The following TUSC3 variants were observed in gnomAD, a reference collection of about 807,000 sequenced individuals.
The protein encoded by TUSC3 is dolichyl-diphosphooligosaccharide--protein glycosyltransferase subunit TUSC3.
TUSC3 carries 45 observed loss-of-function variants against 44.8 expected under a neutral mutation model. The ratio of observed to expected loss-of-function variants is 1.00; its 90% CI spans 0.79 to 1.29. The LOEUF is 1.29. TUSC3 is among the 50% of genes most tolerant of loss of function. The pLI is 0.00. For synonymous variants in TUSC3, 212 were observed against 152.9 expected, an observed-to-expected ratio of 1.39 and a Z score of -2.85; for missense variants, 519 against 437.9, an observed-to-expected ratio of 1.19 and a Z score of -1.65.
intron 2 of TUSC3, among the ~76,000 whole-genome samples, chr8:15,500,295 G>T (rs1256893527): frequency 2.0e-5 from 3 of 152,072 alleles, no homozygotes; most frequent in Admixed American, 2.0e-4. Flanking sequence ...GTTTTGTTTT[G>T]TTCCGTATCT....
At chr8:15,686,209 T>A (rs1808622157) in intron 6 of TUSC3, among the ~76,000 whole-genome samples, 1 of 152,104 alleles carries the variant, frequency 6.6e-6, no homozygotes, top group Non-Finnish European at 1.5e-5. Context: ...ATAAAAACAA[T>A]TTTTGTTGTT....
the TUSC3 span, among the ~76,000 whole-genome samples, chr8:15,831,344 G>C: frequency 1.3e-5 from 2 of 152,148 alleles, no homozygotes; most frequent in African/African-American, 2.4e-5. Flanking sequence ...AGCCCACAAA[G>C]ATGAGAAAGA....
chr8:15,686,226 G>C (rs1368701077), intron 6 of TUSC3, among the ~76,000 whole-genome samples: 1 of 151,964 alleles, frequency 6.6e-6, no homozygotes, highest in Non-Finnish European at 1.5e-5. Context: ...TGTTAAAAAA[G>C]CAATAATCTT....
At chr8:15,544,337 C>T (rs781162256) in intron 1 of TUSC3, among the ~76,000 whole-genome samples, 1 of 148,564 alleles carries the variant, frequency 6.7e-6, no homozygotes, top group Non-Finnish European at 1.5e-5. Context: ...GTGAAAAGAG[C>T]TCCAATTCTG....
At chr8:15,574,894 A>C (rs999124868) in intron 1 of TUSC3, among the ~76,000 whole-genome samples, 2 of 152,132 alleles carry the variant, frequency 1.3e-5, no homozygotes, top group East Asian at 3.9e-4. Context: ...TTATACTTTC[A>C]ATTATAAGGA....
the TUSC3 span, among the ~76,000 whole-genome samples, chr8:15,781,137 C>T: frequency 6.6e-6 from 1 of 152,134 alleles, no homozygotes; most frequent in Non-Finnish European, 1.5e-5. Context: ...AGATCCAGGT[C>T]TGCCCATTTT....
chr8:15,612,431 C>T (rs371377471), intron 1 of TUSC3, among the ~76,000 whole-genome samples: 27 of 151,944 alleles, frequency 1.8e-4, no homozygotes, highest in Middle Eastern at 3.4e-3. Flanking sequence ...CATTGTATTA[C>T]GTATTGTTTA....
chr8:15,465,578 A>T (rs1286413442), intron 1 of TUSC3, among the ~76,000 whole-genome samples: 1 of 152,236 alleles, frequency 6.6e-6, no homozygotes, highest in African/African-American at 2.4e-5. Flanking sequence ...ATGTGATCAA[A>T]GTTTTGCTCC....
At chr8:15,664,243 A>T (rs1211625859) in intron 5 of TUSC3, among the ~76,000 whole-genome samples, 1 of 151,708 alleles carries the variant, frequency 6.6e-6, no homozygotes, top group Non-Finnish European at 1.5e-5. Flanking sequence ...TCTGATTGCA[A>T]GTTCTGTATT....
chr8:15,722,541 A>G (rs903438761), intron 6 of TUSC3, among the ~76,000 whole-genome samples: 2 of 152,040 alleles, frequency 1.3e-5, no homozygotes, highest in African/African-American at 4.8e-5. Flanking sequence ...ATAGTATTCT[A>G]GAGACTCTCT....
At chr8:15,673,949 T>C (rs960659519) in intron 6 of TUSC3, 113 bp downstream of exon 6, 1 of 892,162 alleles carries the variant, frequency 1.1e-6, no homozygotes, top group Non-Finnish European at 1.8e-6. Context: ...AGTCAAAATA[T>C]ATATTCTTTC....
chr8:15,732,910 G>T (rs1459060126), intron 7 of TUSC3, among the ~76,000 whole-genome samples: 1 of 152,006 alleles, frequency 6.6e-6, no homozygotes, highest in Non-Finnish European at 1.5e-5. Context: ...CGTGAAATTG[G>T]GCACATCTGC....
chr8:15,810,226 G>T, the TUSC3 span, among the ~76,000 whole-genome samples: 2 of 152,126 alleles, frequency 1.3e-5, no homozygotes, highest in Non-Finnish European at 2.9e-5. Flanking sequence ...TGATTTAATA[G>T]GTCGTTCAGG....
chr8:15,831,521 A>C, the TUSC3 span, among the ~76,000 whole-genome samples: 1 of 149,532 alleles, frequency 6.7e-6, no homozygotes, highest in African/African-American at 2.4e-5. Flanking sequence ...GCAGGAGTAC[A>C]TTGAAACTCA....
intron 1 of TUSC3, among the ~76,000 whole-genome samples, chr8:15,450,540 C>G (rs1310824189): frequency 2.6e-5 from 4 of 151,932 alleles, no homozygotes. Flanking sequence ...AAAAATTCAC[C>G]CCACCTGTAA....
Position 15,765,194 on chromosome 8 carries a change from T to C in TUSC3, c.*1038T>C, listed in dbSNP as rs1263573486. The C allele has an allele frequency of 6.6e-6, 1 of 152,042 alleles. No individual in the cohort carries two copies. Among genetic ancestry groups the C allele is most frequent in the Non-Finnish European group, 1.5e-5 (1 of 67,946 alleles). The allele number at this position is 152,042 out of a possible 1,614,324, so 9.4% of individuals were successfully genotyped here. On this transcript the variant is annotated 3_prime_UTR_variant, in exon 11 of 11. Transcript: ENST00000503731. ...AACCTTGTAAATTAGTCAGGAAATG[T>C]AAATTTTATCTGACTCATAGAACTA...
rs373936576 is a variant in TUSC3 at position 15,564,309 on chromosome 8, A to T, written c.138+23741A>T. ...TAACATTTCTCTAACAGCTAAAATA[A>T]AAAATAAAAAAGTGATTTCTTGTCT... is the stretch of plus-strand genomic sequence containing the variant. On this transcript the variant is annotated intron_variant, in intron 1 of 10. Transcript: ENST00000503731. Among the ~76,000 whole-genome samples, 11 of 152,254 alleles carry T rather than the reference A, an allele frequency of 7.2e-5. No homozygotes were observed. The East Asian group carries it at 1.7e-3, about 24-fold the overall frequency.
the TUSC3 span, among the ~76,000 whole-genome samples, chr8:15,802,019 T>G: frequency 6.6e-6 from 1 of 152,162 alleles, no homozygotes; most frequent in Non-Finnish European, 1.5e-5. Context: ...TCGAGAAGAA[T>G]CTTGGCCAAT....
chr8:15,563,407 TAAGG>T (rs1422634082), intron 1 of TUSC3, among the ~76,000 whole-genome samples: 1 of 151,704 alleles, frequency 6.6e-6, no homozygotes, highest in South Asian at 2.1e-4. Context: ...TGCTGTAAGG[TAAGG>T]AAGATTCAAG....
Sources: gnomAD v4.1 joint callset for allele counts (sites outside exome capture counted in the v4.1 genomes callset) on GRCh38, gnomAD v4.1.1 for gene constraint, MANE v1.5 for transcripts, NCBI Gene and HGNC (gene_info 2026-07-23, HGNC 2026-07-21) for gene names.